Variants in CNTNAP2 observed in about 807,000 individuals in gnomAD.
CNTNAP2 encodes contactin-associated protein-like 2.
A neutral mutation model predicts 155.2 loss-of-function variants in CNTNAP2; 98 were observed. The observed-to-expected ratio is 0.63, with a 90% CI of 0.54 to 0.75. The LOEUF (loss-of-function observed/expected upper bound fraction) is 0.75, where lower values mean the gene tolerates loss of function less well. Ranked by LOEUF, CNTNAP2 falls within the 30% of genes least tolerant of loss-of-function variation. The pLI is 0.00. For synonymous variants in CNTNAP2, 651 were observed against 631.2 expected, an observed-to-expected ratio of 1.03 and a Z score of -0.47; for missense variants, 1,727 against 1,688.1, an observed-to-expected ratio of 1.02 and a Z score of -0.40.
chr7:148,263,722 G>A (rs57380547), intron 20 of CNTNAP2, among the ~76,000 whole-genome samples: 31,884 of 147,498 alleles, frequency 0.22, 3,649 homozygotes, highest in Non-Finnish European at 0.27. Context: ...GGGCGACAGA[G>A]CGAGACTCAG....
chr7:148,165,535 T>A (rs1416503006), intron 17 of CNTNAP2, among the ~76,000 whole-genome samples: 1 of 152,166 alleles, frequency 6.6e-6, no homozygotes, highest in African/African-American at 2.4e-5. Context: ...ATAATAGCAA[T>A]AATCGTAACA....
intron 3 of CNTNAP2, among the ~76,000 whole-genome samples, chr7:146,996,672 T>A (rs559909092): frequency 9.6e-4 from 146 of 151,832 alleles, no homozygotes; most frequent in African/African-American, 3.3e-3. Context: ...TACTTTAACT[T>A]TTTTTTTCCA....
intron 13 of CNTNAP2, among the ~76,000 whole-genome samples, chr7:147,774,770 G>A (rs1339060224): frequency 3.3e-5 from 5 of 152,082 alleles, no homozygotes; most frequent in South Asian, 2.1e-4. Context: ...ATAAATTTCC[G>A]TTAAGACACC....
chr7:147,694,271 G>A (rs948002965), intron 13 of CNTNAP2, among the ~76,000 whole-genome samples: 8 of 151,828 alleles, frequency 5.3e-5, no homozygotes, highest in African/African-American at 1.7e-4. Flanking sequence ...ATTTTGTTGA[G>A]GATTTTTACA....
intron 10 of CNTNAP2, among the ~76,000 whole-genome samples, chr7:147,445,801 T>G (rs977139721): frequency 1.3e-5 from 2 of 152,120 alleles, no homozygotes; most frequent in African/African-American, 2.4e-5. Flanking sequence ...TTCTCTTTCT[T>G]CTTTCTTTTT....
chr7:148,053,535 G>T (rs1240893122), intron 15 of CNTNAP2, among the ~76,000 whole-genome samples: 2 of 152,096 alleles, frequency 1.3e-5, no homozygotes, highest in Non-Finnish European at 2.9e-5. Context: ...CAAAACTCCT[G>T]CCAATTTTGT....
intron 13 of CNTNAP2, among the ~76,000 whole-genome samples, chr7:147,739,141 GT>G (rs78880175): frequency 0.071 from 9,666 of 136,280 alleles, 727 homozygotes; most frequent in African/African-American, 0.21. Flanking sequence ...TCTCTCTGAA[GT>G]TTTTTTTTTT....
At chr7:146,721,866 T>TGG (rs1801337254) in intron 1 of CNTNAP2, among the ~76,000 whole-genome samples, 1 of 96,472 alleles carries the variant, frequency 1.0e-5, no homozygotes, top group South Asian at 2.6e-4. Context: ...TATATGTGTG[T>TGG]GTGTGTGTGT....
chr7:146,987,866 T>C (rs1469663038), intron 3 of CNTNAP2, among the ~76,000 whole-genome samples: 1 of 152,096 alleles, frequency 6.6e-6, no homozygotes, highest in African/African-American at 2.4e-5. Context: ...GTTATAACTA[T>C]TTTATAATCA....
chr7:146,770,243 G>T (rs73740856), intron 1 of CNTNAP2, among the ~76,000 whole-genome samples: 7,041 of 150,788 alleles, frequency 0.047, 561 homozygotes, highest in African/African-American at 0.16. Context: ...CCATATCTTT[G>T]TATGTATGTG....
rs532665267 is a variant in CNTNAP2 at position 147,224,912 on chromosome 7, C to CT, written c.1349-75228dup. Among the ~76,000 whole-genome samples the CT allele has an allele frequency of 2.7e-3, 407 of 152,210 alleles. 1 individual carries two copies. The highest frequency in any genetic ancestry group is 9.2e-3 in the African/African-American group (381 of 41,536). ...TTTGTTTTTTTATTAGTAGATAGGG[C>CT]TATTTTCTGAACCCTCTTACCAAGT... On this transcript the variant is annotated intron_variant, in intron 8 of 23. Coordinates refer to ENST00000361727, the MANE Select transcript of CNTNAP2 (RefSeq NM_014141.6).
chr7:146,624,559 G>A (rs1413257633), intron 1 of CNTNAP2, among the ~76,000 whole-genome samples: 1 of 151,674 alleles, frequency 6.6e-6, no homozygotes, highest in African/African-American at 2.4e-5. Context: ...TGTTTGTGTG[G>A]GTTTATTTTA....
intron 11 of CNTNAP2, among the ~76,000 whole-genome samples, chr7:147,551,803 A>G (rs1799858254): frequency 6.6e-6 from 1 of 152,156 alleles, no homozygotes; most frequent in Admixed American, 6.6e-5. Context: ...AGGATTATCT[A>G]TATTTGAATC....
chr7:147,790,409 C>T (rs1004126453), intron 13 of CNTNAP2, among the ~76,000 whole-genome samples: 2 of 152,104 alleles, frequency 1.3e-5, no homozygotes, highest in African/African-American at 4.8e-5. Flanking sequence ...AAGTATTTGT[C>T]GAATGAAGAA....
intron 6 of CNTNAP2, among the ~76,000 whole-genome samples, chr7:147,125,676 A>G (rs866767031): frequency 6.6e-6 from 1 of 152,234 alleles, no homozygotes. Context: ...AATCAGTCAC[A>G]GGAGGAGAAG....
intron 2 of CNTNAP2, among the ~76,000 whole-genome samples, chr7:146,779,429 C>T (rs1802444185): frequency 6.6e-6 from 1 of 152,058 alleles, no homozygotes; most frequent in African/African-American, 2.4e-5. Flanking sequence ...TGCTGGAACC[C>T]AACACTCTTT....
chr7:146,804,988 C>T (rs1802942178), intron 2 of CNTNAP2, among the ~76,000 whole-genome samples: 1 of 152,154 alleles, frequency 6.6e-6, no homozygotes, highest in African/African-American at 2.4e-5. Context: ...AGTACTTGTA[C>T]CACCTACTGG....
chr7:147,674,966 T>C (rs1795844865), intron 13 of CNTNAP2, among the ~76,000 whole-genome samples: 1 of 152,100 alleles, frequency 6.6e-6, no homozygotes, highest in Non-Finnish European at 1.5e-5. Context: ...TTCATGGATG[T>C]GTTAGTTTCC....
intron 1 of CNTNAP2, among the ~76,000 whole-genome samples, chr7:146,601,863 A>C (rs1451693144): frequency 6.6e-6 from 1 of 152,128 alleles, no homozygotes; most frequent in African/African-American, 2.4e-5. Flanking sequence ...ACCATTTCTT[A>C]TACAGGCAAA....
Sources: allele counts gnomAD v4.1 joint callset (sites outside exome capture counted in the v4.1 genomes callset), GRCh38; gene constraint gnomAD v4.1.1; transcripts MANE v1.5; gene names NCBI Gene and HGNC (gene_info 2026-07-23, HGNC 2026-07-21).